CFAP69: variants seen among roughly 807,000 people sequenced by gnomAD.
CFAP69 encodes cilia- and flagella-associated protein 69.
Under a neutral mutation model 123.0 loss-of-function variants are expected in CFAP69, and 92 were observed. The observed-to-expected ratio is 0.75, with a 90% CI of 0.63 to 0.89. The LOEUF is 0.89. CFAP69 is among the 40% of genes least tolerant of loss of function. The probability of loss-of-function intolerance (pLI) is 0.00; values close to 1 mark genes in which losing one functional copy is unlikely to be tolerated. For synonymous variants in CFAP69, 380 were observed against 364.3 expected, an observed-to-expected ratio of 1.04 and a Z score of -0.49; for missense variants, 1,067 against 1,096.9, an observed-to-expected ratio of 0.97 and a Z score of 0.39.
intron 6 of CFAP69, 26 bp from the exon 7 acceptor site, chr7:90,271,500 T>C: frequency 6.3e-7 from 1 of 1,593,830 alleles, no homozygotes; most frequent in Non-Finnish European, 8.6e-7. Context: ...GATAACTGTA[T>C]GTATTTATTA....
At chr7:90,286,212 C>A in intron 13 of CFAP69, 69 bp from the exon 14 acceptor site, 2 of 1,309,098 alleles carry the variant, frequency 1.5e-6, no homozygotes, top group Non-Finnish European at 2.1e-6. Context: ...AAGAGATTTC[C>A]AAACAGTAAT....
chr7:90,271,010 AG>A (rs1799872803), intron 6 of CFAP69, among the ~76,000 whole-genome samples: 1 of 152,158 alleles, frequency 6.6e-6, no homozygotes, highest in African/African-American at 2.4e-5. Context: ...AAAGTACTGA[AG>A]TAATGCATTG....
intron 17 of CFAP69, chr7:90,300,379 T>C: frequency 2.3e-6 from 2 of 883,260 alleles, no homozygotes; most frequent in Non-Finnish European, 2.7e-6. Flanking sequence ...AATATTTCAT[T>C]GAGATGTAAA....
At chr7:90,298,194 T>C (rs2117306462) in intron 16 of CFAP69, among the ~76,000 whole-genome samples, 1 of 152,342 alleles carries the variant, frequency 6.6e-6, no homozygotes, top group Non-Finnish European at 1.5e-5. Flanking sequence ...CCCCTGATAT[T>C]AAAAGATAAG....
chr7:90,312,742 G>A (rs1794436850), downstream of CFAP69: 1 of 152,150 alleles, frequency 6.6e-6, no homozygotes, highest in Non-Finnish European at 1.5e-5. Flanking sequence ...TAGGGGACAT[G>A]ATGCCTACCC....
chr7:90,263,834 T>TA (rs1391397486), intron 4 of CFAP69, among the ~76,000 whole-genome samples: 5 of 151,858 alleles, frequency 3.3e-5, no homozygotes, highest in African/African-American at 1.2e-4. Flanking sequence ...TCATACCTGT[T>TA]AATCCCAGCA....
intron 1 of CFAP69, among the ~76,000 whole-genome samples, chr7:90,250,685 A>G (rs1796913835): frequency 6.6e-6 from 1 of 152,154 alleles, no homozygotes; most frequent in South Asian, 2.1e-4. Flanking sequence ...TGGTATTTAC[A>G]TATGTATGTT....
rs543037214 is a variant in CFAP69 at position 90,307,162 on chromosome 7, A to G, written c.2463+64A>G. 33 of 1,126,546 alleles carry G rather than the reference A, an allele frequency of 2.9e-5. 2 individuals carry two copies. In the South Asian group the frequency reaches 4.3e-4, roughly 15 times the overall value. The allele number at this position is 1,126,546 out of a possible 1,614,324, so 69.8% of individuals were successfully genotyped here. A position where few individuals can be genotyped will look rare whatever the true frequency, so the allele number is the denominator to read the frequency against. ...GGTTGGTTAATGGGCACAAAAATAC[A>G]GTTAGATAGAATAAGTTCTGTTGTT... On this transcript the variant is annotated intron_variant, in intron 20 of 22. Transcript: ENST00000389297.
chr7:90,301,768 G>A (rs1584530837), intron 17 of CFAP69: 1 of 152,282 alleles, frequency 6.6e-6, no homozygotes, highest in East Asian at 1.9e-4. Flanking sequence ...TTGCTATTGT[G>A]AATAGTGCTG....
intron 6 of CFAP69, among the ~76,000 whole-genome samples, chr7:90,271,051 A>C (rs1163160145): frequency 6.6e-6 from 1 of 152,136 alleles, no homozygotes; most frequent in East Asian, 1.9e-4. Flanking sequence ...ACTAGTGAAA[A>C]CATTCAGTAT....
intron 16 of CFAP69, 21 bp from the exon 17 acceptor site, chr7:90,299,846 T>C (rs1792519134): frequency 1.3e-6 from 2 of 1,561,046 alleles, no homozygotes; most frequent in Non-Finnish European, 1.7e-6. Flanking sequence ...ACTTTTTTCC[T>C]TTTCTGTTTC....
chr7:90,304,947 C>A, intron 19 of CFAP69, 127 bp downstream of exon 19: 1 of 700,232 alleles, frequency 1.4e-6, no homozygotes, highest in Non-Finnish European at 2.2e-6. Context: ...TTTCATTTTG[C>A]ATCTGATGCT....
intron 4 of CFAP69, among the ~76,000 whole-genome samples, chr7:90,264,102 AAAATATATATATATATATAT>A (rs1798744419): frequency 8.9e-5 from 3 of 33,846 alleles, no homozygotes; most frequent in African/African-American, 1.9e-4. Context: ...AAAAAAAAAA[AAAATATATATATATATATAT>A]ATATATATAT....
intron 16 of CFAP69, among the ~76,000 whole-genome samples, chr7:90,298,631 G>T (rs750479561): frequency 8.6e-5 from 13 of 151,878 alleles, no homozygotes; most frequent in African/African-American, 3.1e-4. Context: ...CTCTCTTTTC[G>T]ATTTCTTTAC....
the CFAP69 span, chr7:90,319,877 T>G: frequency 2.5e-6 from 1 of 397,052 alleles, no homozygotes; most frequent in East Asian, 3.6e-5. Context: ...TACTAGGTAT[T>G]CATTTTTTCT....
intron 17 of CFAP69, chr7:90,302,259 C>T (rs894327427): frequency 2.0e-5 from 3 of 152,294 alleles, no homozygotes; most frequent in African/African-American, 7.2e-5. Context: ...AATTTTCTCC[C>T]ATTCTGTTGG....
At chr7:90,322,027 C>A in the CFAP69 span, among the ~76,000 whole-genome samples, 1 of 150,918 alleles carries the variant, frequency 6.6e-6, no homozygotes, top group Admixed American at 6.6e-5. Context: ...GGTTCTTGAG[C>A]TGGGATGGTG....
At chr7:90,259,979 A>G (rs1452196875) in intron 3 of CFAP69, among the ~76,000 whole-genome samples, 1 of 152,178 alleles carries the variant, frequency 6.6e-6, no homozygotes, top group East Asian at 1.9e-4. Flanking sequence ...CATCTAAATC[A>G]AGCTTGTCCA....
At chr7:90,319,645 C>G in the CFAP69 span, 1 of 398,484 alleles carries the variant, frequency 2.5e-6, no homozygotes, top group Non-Finnish European at 4.4e-6. Flanking sequence ...TGGGCTGATG[C>G]TGGCAAGCAC....
Sources: gnomAD v4.1 joint callset for allele counts (sites outside exome capture counted in the v4.1 genomes callset) on GRCh38, gnomAD v4.1.1 for gene constraint, MANE v1.5 for transcripts, NCBI Gene and HGNC (gene_info 2026-07-23, HGNC 2026-07-21) for gene names.